PPP2R5C: variants seen among roughly 807,000 people sequenced by gnomAD.
PPP2R5C encodes the protein serine/threonine-protein phosphatase 2A 56 kDa regulatory subunit gamma isoform.
In PPP2R5C, 7 loss-of-function variants were observed where a neutral mutation model predicts 68.9. That is an observed-to-expected ratio of 0.10 (90% CI 0.06 to 0.19). PPP2R5C has a LOEUF of 0.19. PPP2R5C is among the 10% of genes least tolerant of loss of function. The pLI is 1.00. For synonymous variants in PPP2R5C, 210 were observed against 222.2 expected (o/e 0.95, Z 0.49); for missense variants, 348 against 641.3 (o/e 0.54, Z 4.94).
intron 2 of PPP2R5C, 57 bp from the exon 3 acceptor site, chr14:101,785,961 G>A (rs1332091421): frequency 1.4e-6 from 2 of 1,420,144 alleles, no homozygotes; most frequent in African/African-American, 1.5e-5. Flanking sequence ...TATTTTAATA[G>A]TGCTACAAAA....
At chr14:101,914,167 G>A in intron 12 of PPP2R5C, 1 of 456,050 alleles carries the variant, frequency 2.2e-6, no homozygotes, top group Non-Finnish European at 4.4e-6. Flanking sequence ...CGTCTGTGGT[G>A]GTGGCAGGCA....
intron 2 of PPP2R5C, among the ~76,000 whole-genome samples, chr14:101,874,102 CTGTT>C (rs2043598242): frequency 6.6e-6 from 1 of 152,178 alleles, no homozygotes; most frequent in African/African-American, 2.4e-5. Flanking sequence ...AAATGAAAGA[CTGTT>C]TGCATAATTT....
chr14:101,875,109 A>G (rs143122243), intron 2 of PPP2R5C, among the ~76,000 whole-genome samples: 71 of 152,370 alleles, frequency 4.7e-4, no homozygotes, highest in African/African-American at 1.6e-3. Flanking sequence ...AAAAATAGCA[A>G]GTTATTCAAA....
intron 1 of PPP2R5C, chr14:101,819,089 G>T: frequency 6.5e-7 from 1 of 1,534,642 alleles, no homozygotes; most frequent in Non-Finnish European, 8.8e-7. Flanking sequence ...GGAAGAGGTG[G>T]GTGGTGAGGG....
At chr14:101,761,803 C>T (rs1194993114), upstream of PPP2R5C, 6 of 897,286 alleles carry the variant, frequency 6.7e-6, no homozygotes, top group African/African-American at 3.1e-5. Flanking sequence ...CGGCGGCGGC[C>T]GCGGGGGCGC....
intron 1 of PPP2R5C, among the ~76,000 whole-genome samples, chr14:101,831,298 A>G (rs1364318865): frequency 1.3e-5 from 2 of 152,324 alleles, no homozygotes; most frequent in East Asian, 1.9e-4. Context: ...ATATGACATT[A>G]TGTTTATTTT....
At chr14:101,791,106 A>G (rs1438589657) in intron 3 of PPP2R5C, among the ~76,000 whole-genome samples, 1 of 152,162 alleles carries the variant, frequency 6.6e-6, no homozygotes, top group Non-Finnish European at 1.5e-5. Context: ...AAAGAAAAGA[A>G]AAAGAAACTG....
intron 1 of PPP2R5C, chr14:101,819,787 T>TTTG (rs967165998): frequency 5.9e-5 from 9 of 152,384 alleles, no homozygotes; most frequent in African/African-American, 2.2e-4. Context: ...AGCGTGGTTT[T>TTTG]TTGTTGTTGT....
chr14:101,806,684 G>T (rs892468191), upstream of PPP2R5C, among the ~76,000 whole-genome samples: 10 of 152,146 alleles, frequency 6.6e-5, no homozygotes, highest in South Asian at 4.1e-4. Context: ...TTAAGATCGG[G>T]CATGGTGGCT....
In PPP2R5C at chr14:101,916,459, C is replaced by A. The variant is rs924792218; in HGVS notation, c.1327-1372C>A. Among the ~76,000 whole-genome samples the A allele has an allele frequency of 6.6e-6, 1 of 152,088 alleles. No homozygotes were observed. Among genetic ancestry groups the A allele is most frequent in the Admixed American group, 6.5e-5 (1 of 15,270 alleles). ...AAGACAGCCCACAGAGGAAGGAGCC[C>A]AAGGCACCTGGAGGAGAGGCTGGGG... On this transcript the variant is annotated intron_variant, in intron 12 of 13. Coordinates refer to ENST00000334743, the Ensembl canonical transcript of PPP2R5C. The surrounding 1 kb of genome is among the most constrained non-coding windows in gnomAD (Gnocchi z 5.5).
At chr14:101,843,149 G>T (rs530029713) in intron 1 of PPP2R5C, among the ~76,000 whole-genome samples, 1 of 152,286 alleles carries the variant, frequency 6.6e-6, no homozygotes, top group East Asian at 1.9e-4. Context: ...GATCGCTTGA[G>T]CCCAGGAAGT....
chr14:101,802,940 T>A (rs2038927626), intron 3 of PPP2R5C, among the ~76,000 whole-genome samples: 1 of 129,736 alleles, frequency 7.7e-6, no homozygotes, highest in African/African-American at 3.0e-5. Flanking sequence ...CCCACTAGGA[T>A]GGCTACTATT....
At position 101,774,198 on chromosome 14, in the gene PPP2R5C, G is replaced by T. The variant is rs909348111; in HGVS notation, c.93+11228G>T. Among the ~76,000 whole-genome samples, 5 of 152,232 alleles carry T rather than the reference G, an allele frequency of 3.3e-5. 1 individual carries two copies. The East Asian group carries it at 5.8e-4, about 18-fold the overall frequency. ...GGCACTGGCACAGCTGGCTGTGGGT[G>T]GGCTTGTCATCTGACCACTTGCTTT... On this transcript the variant is annotated intron_variant, in intron 2 of 14. Transcript: ENST00000328724.
rs938098255 is a variant in PPP2R5C at position 101,892,395 on chromosome 14, G to GA, written c.690-605_690-604insA. ...TGAGGGAAGGTGTTGGGTGGGGGGTGGGGGGGGTCCCACGTGAACTGTCCC... is the reference window on the plus strand; with the variant it reads ...TGAGGGAAGGTGTTGGGTGGGGGGTGAGGGGGGGTCCCACGTGAACTGTCCC... On this transcript the variant is annotated intron_variant, in intron 6 of 13. Transcript: ENST00000334743. 1.0e-3 allele frequency among the ~76,000 whole-genome samples: 139 copies of GA among 136,908 alleles called. 3 individuals are homozygous for GA. Among genetic ancestry groups the GA allele is most frequent in the East Asian group, 8.1e-3 (33 of 4,090 alleles). 89.8% of individuals were successfully genotyped at this position (136,908 alleles called of 152,430 possible). A position where few individuals can be genotyped will look rare whatever the true frequency, so the allele number is the denominator to read the frequency against.
chr14:101,906,748 T>C lies in PPP2R5C; in HGVS notation c.1151+219T>C. 2 of 537,442 alleles carry C rather than the reference T, an allele frequency of 3.7e-6. No individual in the cohort carries two copies. The highest frequency in any genetic ancestry group is 5.5e-5 in the South Asian group (2 of 36,336). 33.3% of individuals were successfully genotyped at this position (537,442 alleles called of 1,614,324 possible). On this transcript the variant is annotated intron_variant, in intron 10 of 13. Transcript: ENST00000334743. This position sits in a 1 kb window ranked among gnomAD's most constrained non-coding sequence, Gnocchi z 4.0. ...TCATTCCTGCCAGTATAGAGGCACA[T>C]TGGTTTGCAGCCACCTCCCAGTAGC...
At chr14:101,770,538 T>C (rs2037090352) in intron 2 of PPP2R5C, among the ~76,000 whole-genome samples, 1 of 152,204 alleles carries the variant, frequency 6.6e-6, no homozygotes, top group South Asian at 2.1e-4. Context: ...TTAAAGCGTC[T>C]AGGGAGACAC....
rs79968905 is a variant in PPP2R5C, at chr14:101,819,375, C to T, written c.94+9339C>T. 1,767 of 335,200 alleles carry T rather than the reference C, an allele frequency of 5.3e-3. 26 individuals are homozygous for T. Among genetic ancestry groups the T allele is most frequent in the African/African-American group, 0.033 (1,623 of 48,788 alleles). The allele number at this position is 335,200 out of a possible 1,614,324, so 20.8% of individuals were successfully genotyped here. Reference sequence around the variant, plus strand: ...AAGATTACCAAGATCTAATTTACCTCTCACTGTGTGGACGTTTGCCCTGGT... The same window carrying T: ...AAGATTACCAAGATCTAATTTACCTTTCACTGTGTGGACGTTTGCCCTGGT... On this transcript the variant is annotated intron_variant, in intron 1 of 13. Transcript: ENST00000334743.
Position 101,865,289 on chromosome 14 carries a change from A to C in PPP2R5C, c.294+8404A>C, listed in dbSNP as rs148076702. Among the ~76,000 whole-genome samples, 126 of 152,316 alleles carry C rather than the reference A, an allele frequency of 8.3e-4. 1 individual carries two copies. Among genetic ancestry groups the C allele is most frequent in the African/African-American group, 2.9e-3 (120 of 41,560 alleles). On this transcript the variant is annotated intron_variant, in intron 2 of 13. Transcript: ENST00000334743. ...ACACTTAGTCCACAGAGTCACAGGG[A>C]CAGCTTTTCCTTCCGTGTCCCATGT...
intron 2 of PPP2R5C, among the ~76,000 whole-genome samples, chr14:101,864,338 A>G (rs891906822): frequency 1.3e-5 from 2 of 152,134 alleles, no homozygotes; most frequent in Non-Finnish European, 2.9e-5. Context: ...ATTGTGCTGG[A>G]CCACTGAGAA....
Sources: gnomAD v4.1 joint callset for allele counts (sites outside exome capture counted in the v4.1 genomes callset) on GRCh38, gnomAD v4.1.1 for gene constraint, Gnocchi (gnomAD v3.1) non-coding constraint, MANE v1.5 for transcripts, NCBI Gene and HGNC (gene_info 2026-07-23, HGNC 2026-07-21) for gene names.